TLL2: variants seen among roughly 807,000 people sequenced by gnomAD.
TLL2 encodes tolloid like 2.
A neutral mutation model predicts 123.0 loss-of-function variants in TLL2; 106 were observed. The ratio of observed to expected loss-of-function variants is 0.86; its 90% CI spans 0.74 to 1.01. The LOEUF (loss-of-function observed/expected upper bound fraction) is 1.01, where lower values mean the gene tolerates loss of function less well. Ranked by LOEUF, TLL2 falls within the 50% of genes least tolerant of loss-of-function variation. The probability of loss-of-function intolerance (pLI) is 0.00; values close to 1 mark genes in which losing one functional copy is unlikely to be tolerated. For synonymous variants in TLL2, 494 were observed against 516.8 expected (o/e 0.96, Z 0.60); for missense variants, 1,332 against 1,336.7 (o/e 1.00, Z 0.06).
intron 19 of TLL2, 59 bp from the exon 20 acceptor site, chr10:96,370,374 T>A: frequency 3.3e-6 from 5 of 1,494,836 alleles, no homozygotes; most frequent in Non-Finnish European, 4.5e-6. Context: ...GCCTCCCGCC[T>A]GCGTCTGCTC....
At chr10:96,483,533 G>C (rs1564916547) in intron 1 of TLL2, among the ~76,000 whole-genome samples, 3 of 152,166 alleles carry the variant, frequency 2.0e-5, no homozygotes, top group Non-Finnish European at 1.5e-5. Flanking sequence ...ATGTATTTTG[G>C]TGGTGGGGTG....
intron 1 of TLL2, 116 bp from the exon 2 acceptor site, chr10:96,480,575 T>G (rs1376612628): frequency 1.3e-6 from 1 of 779,910 alleles, no homozygotes; most frequent in East Asian, 2.5e-5. Context: ...AGACAGCCCA[T>G]CCAGTAAAAT....
intron 8 of TLL2, 191 bp from the exon 9 acceptor site, chr10:96,410,665 A>C: frequency 1.5e-6 from 1 of 668,276 alleles, no homozygotes; most frequent in Non-Finnish European, 2.8e-6. Context: ...AGGAGTCAAA[A>C]AGGAACGCCC....
At position 96,413,291 on chromosome 10, in the gene TLL2, G is replaced by A; in HGVS notation, c.949C>T (p.Pro317Ser). 1 of 1,614,056 alleles carries A rather than the reference G, an allele frequency of 6.2e-7. No homozygotes were observed. Among genetic ancestry groups the A allele is most frequent in the Non-Finnish European group, 8.5e-7 (1 of 1,179,888 alleles). Residue 317 changes from proline to serine, a missense_variant, in exon 8 of 21, where the codon CCC (proline) becomes TCC (serine). Coordinates refer to ENST00000357947, the MANE Select transcript of TLL2 (RefSeq NM_012465.4). ...SRGVFLDTIL[P>S]RQDDNGVRPT... Reference sequence around the variant, plus strand: ...CTGACGCCATTGTCATCTTGACGGGGAAGGATGGTGTCTAAGAAAACTCCT... The same window carrying A: ...CTGACGCCATTGTCATCTTGACGGGAAAGGATGGTGTCTAAGAAAACTCCT...
rs762651565 is a variant in TLL2 at position 96,384,723 on chromosome 10, G to T, written c.2058C>A (p.Pro686=). 50 of 1,610,350 alleles carry T rather than the reference G, an allele frequency of 3.1e-5. No homozygotes were observed. Among genetic ancestry groups the T allele is most frequent in the Non-Finnish European group, 4.0e-5 (47 of 1,177,774 alleles). The change falls in exon 16 of 21, where the codon CCC becomes CCA. Residue 686 remains proline (P), a synonymous_variant. Transcript: ENST00000357947. ...DFVEVRSGLS[P]DAKLHGRFCG... is the part of the protein sequence containing the mutation. Reference sequence around the variant, plus strand: ...AGAACCTGCCGTGCAGCTTGGCGTCGGGGGACAGGCCGCTGCGCACCTCTA... The same window carrying T: ...AGAACCTGCCGTGCAGCTTGGCGTCTGGGGACAGGCCGCTGCGCACCTCTA...
chr10:96,427,400 G>A (rs977685524), intron 5 of TLL2, among the ~76,000 whole-genome samples: 2 of 152,170 alleles, frequency 1.3e-5, no homozygotes, highest in Non-Finnish European at 2.9e-5. Flanking sequence ...ACGTGACACT[G>A]ACTTACTTGG....
At chr10:96,403,710 A>G (rs1022712882) in intron 10 of TLL2, among the ~76,000 whole-genome samples, 2 of 152,080 alleles carry the variant, frequency 1.3e-5, no homozygotes, top group African/African-American at 2.4e-5. Flanking sequence ...GCTGAGGTGG[A>G]TTAGTAAAAG....
intron 16 of TLL2, among the ~76,000 whole-genome samples, chr10:96,383,821 C>T (rs1351001857): frequency 1.2e-4 from 18 of 145,026 alleles, no homozygotes; most frequent in Middle Eastern, 3.5e-3. Context: ...TTAGTAGAGA[C>T]GGCGTTTCAC....
At position 96,513,912 on chromosome 10, in the gene TLL2, G is replaced by C. The variant is rs924624383; in HGVS notation, c.-227C>G. On this transcript the variant is annotated 5_prime_UTR_variant, in exon 1 of 21. Transcript: ENST00000357947. ...CTACTTGCCCGGCGGCCGAGGCTGC[G>C]GCGGCTGCGAGTGTGGCGGTGGCGG... is the stretch of plus-strand genomic sequence containing the variant. 1 of 510,358 alleles carries C rather than the reference G, an allele frequency of 2.0e-6. No homozygotes were observed. The highest frequency in any genetic ancestry group is 4.2e-5 in the Admixed American group (1 of 23,692). The allele number at this position is 510,358 out of a possible 1,614,324, so 31.6% of individuals were successfully genotyped here. A position where few individuals can be genotyped will look rare whatever the true frequency, so the allele number is the denominator to read the frequency against.
chr10:96,451,635 G>A (rs1846960633), intron 2 of TLL2, among the ~76,000 whole-genome samples: 2 of 152,102 alleles, frequency 1.3e-5, no homozygotes, highest in Admixed American at 1.3e-4. Context: ...TTAACTGCCA[G>A]CATTTAACTT....
chr10:96,367,831 A>T lies in TLL2; in HGVS notation c.*257T>A, dbSNP rs1212781733. Reference sequence around the variant, plus strand: ...ATAGCCGGAATGGTCAGTGACTTCAATCCTAATCTTTAACACTTTAACAGT... The same window carrying T: ...ATAGCCGGAATGGTCAGTGACTTCATTCCTAATCTTTAACACTTTAACAGT... On this transcript the variant is annotated 3_prime_UTR_variant, in exon 21 of 21. Transcript: ENST00000357947. The T allele has an allele frequency of 2.4e-6, 1 of 416,982 alleles. No individual in the cohort carries two copies. The highest frequency in any genetic ancestry group is 3.5e-5 in the Admixed American group (1 of 28,468). The allele number at this position is 416,982 out of a possible 1,614,324, so 25.8% of individuals were successfully genotyped here. A position where few individuals can be genotyped will look rare whatever the true frequency, so the allele number is the denominator to read the frequency against.
intron 11 of TLL2, among the ~76,000 whole-genome samples, chr10:96,396,534 T>A (rs1846342517): frequency 7.0e-6 from 1 of 142,924 alleles, no homozygotes; most frequent in South Asian, 2.1e-4. Flanking sequence ...CCCTTGGTAA[T>A]GTAAGGCCAA....
chr10:96,377,292 A>T (rs1448544663), intron 17 of TLL2, among the ~76,000 whole-genome samples: 2 of 152,230 alleles, frequency 1.3e-5, no homozygotes, highest in African/African-American at 4.8e-5. Flanking sequence ...TGCTCAGTGC[A>T]TCTTGGCTAA....
intron 3 of TLL2, among the ~76,000 whole-genome samples, chr10:96,433,619 C>T (rs188083782): frequency 6.6e-5 from 10 of 152,226 alleles, no homozygotes; most frequent in Admixed American, 1.3e-4. Flanking sequence ...TCACTGAATC[C>T]GCATGCATTT....
chr10:96,420,135 A>G (rs1846604892), intron 7 of TLL2, among the ~76,000 whole-genome samples: 2 of 152,242 alleles, frequency 1.3e-5, no homozygotes, highest in Admixed American at 6.5e-5. Flanking sequence ...ATAAATAAAC[A>G]AGCAAACAGC....
At chr10:96,509,698 A>T (rs1284898881) in intron 1 of TLL2, among the ~76,000 whole-genome samples, 1 of 152,272 alleles carries the variant, frequency 6.6e-6, no homozygotes, top group Non-Finnish European at 1.5e-5. Context: ...CTGTAATCCC[A>T]GCACTTTGGG....
intron 13 of TLL2, among the ~76,000 whole-genome samples, chr10:96,391,758 T>G (rs1422642082): frequency 6.6e-6 from 1 of 152,256 alleles, no homozygotes; most frequent in East Asian, 1.9e-4. Context: ...TCCTGATTCC[T>G]ACTTTAAGAT....
chr10:96,471,001 CT>C (rs899371419), intron 2 of TLL2, among the ~76,000 whole-genome samples: 1 of 150,972 alleles, frequency 6.6e-6, no homozygotes, highest in Non-Finnish European at 1.5e-5. Context: ...CTTGGGAAGT[CT>C]TTTTTTTTGA....
chr10:96,480,863 C>A (rs1006982916), intron 1 of TLL2, among the ~76,000 whole-genome samples: 2 of 152,190 alleles, frequency 1.3e-5, no homozygotes, highest in Non-Finnish European at 2.9e-5. Flanking sequence ...TTGCCCTTCC[C>A]TGGGGAAAGA....
Sources: gnomAD v4.1 joint callset for allele counts (sites outside exome capture counted in the v4.1 genomes callset) on GRCh38, gnomAD v4.1.1 for gene constraint, MANE v1.5 for transcripts, NCBI Gene and HGNC (gene_info 2026-07-23, HGNC 2026-07-21) for gene names.